The following IL2RA variants were observed in gnomAD, a reference collection of about 807,000 sequenced individuals.
IL2RA encodes the protein interleukin 2 receptor subunit alpha, also known as interleukin-2 receptor subunit alpha.
Under a neutral mutation model 37.8 loss-of-function variants are expected in IL2RA, and 24 were observed. That is an observed-to-expected ratio of 0.63 (90% CI 0.46 to 0.89). The LOEUF (loss-of-function observed/expected upper bound fraction) is 0.89. Ranked by LOEUF, IL2RA falls within the 40% of genes least tolerant of loss-of-function variation. The pLI is 0.00. For synonymous variants in IL2RA, 125 were observed against 114.6 expected (o/e 1.09, Z -0.58); for missense variants, 319 against 348.6 (o/e 0.92, Z 0.68).
chr10:6,021,521 G>A lies in IL2RA; in HGVS notation c.540C>T (p.Pro180=), dbSNP rs1792988133. 6.2e-7 allele frequency: 1 copy of A among 1,613,970 alleles called. No homozygotes were observed. The highest frequency in any genetic ancestry group is 1.3e-5 in the African/African-American group (1 of 74,880). The stretch of plus-strand genomic sequence containing the variant: ...CCATTTCACCTGTGCATATGAGCTG[G>A]GGCTGGGTCCACCTTGTCTTCCCGT... The part of the protein sequence containing the change: ...MTHGKTRWTQ[P]QLICTGEMET... The change falls in exon 4 of 8, where the codon CCC becomes CCT. Residue 180 remains proline (P), a synonymous_variant. Coordinates refer to ENST00000379959, the MANE Select transcript of IL2RA (RefSeq NM_000417.3). This position sits in a 1 kb window ranked among gnomAD's most constrained non-coding sequence, Gnocchi z 4.9.
rs1423551029 is a variant in IL2RA at position 6,036,092 on chromosome 10, G to A, written c.65-10067C>T. 1 of 152,222 alleles carries A rather than the reference G, an allele frequency of 6.6e-6. No homozygotes were observed. Among genetic ancestry groups the A allele is most frequent in the African/African-American group, 2.4e-5 (1 of 41,440 alleles). The allele number at this position is 152,222 out of a possible 1,614,324, so 9.4% of individuals were successfully genotyped here. ...GGGAGAACAGAGGGTGCAGGTGAAG[G>A]GCCCTCGACAATGCTTCTCTTTGCA... is the stretch of plus-strand genomic sequence containing the variant. On this transcript the variant is annotated intron_variant, in intron 1 of 7. Transcript: ENST00000379959. The surrounding 1 kb of genome is among the most constrained non-coding windows in gnomAD (Gnocchi z 6.1).
chr10:6,025,642 A>T lies in IL2RA; in HGVS notation c.256+192T>A, dbSNP rs2096880789. On this transcript the variant is annotated intron_variant, in intron 2 of 7. Coordinates refer to ENST00000379959, the MANE Select transcript of IL2RA (RefSeq NM_000417.3). This position sits in a 1 kb window ranked among gnomAD's most constrained non-coding sequence, Gnocchi z 4.4. ...CATTGCACTCCAGCCTAGGCAACAG[A>T]GTGAGAGTCTGTCTCCAAAAAAAAA... Among the ~76,000 whole-genome samples, 1 of 151,632 alleles carries T rather than the reference A, an allele frequency of 6.6e-6. No individual in the cohort carries two copies. The highest frequency in any genetic ancestry group is 1.5e-5 in the Non-Finnish European group (1 of 67,972).
At chr10:6,053,266 A>G (rs1208033678) in intron 1 of IL2RA, among the ~76,000 whole-genome samples, 1 of 152,154 alleles carries the variant, frequency 6.6e-6, no homozygotes, top group Admixed American at 6.5e-5. Context: ...AACCCATTTA[A>G]TCTCTGTAAG....
intron 1 of IL2RA, among the ~76,000 whole-genome samples, chr10:6,038,522 A>G (rs547999644): frequency 1.3e-5 from 2 of 152,362 alleles, no homozygotes; most frequent in African/African-American, 4.8e-5. Context: ...ATTGAGGTTC[A>G]GAGAGATTAA....
At chr10:6,023,836 G>C (rs979356577) in intron 3 of IL2RA, among the ~76,000 whole-genome samples, 5 of 152,138 alleles carry the variant, frequency 3.3e-5, no homozygotes, top group Admixed American at 3.3e-4. Flanking sequence ...ATTTTTTTGC[G>C]GTGCGTTGTC....
Position 6,056,889 on chromosome 10 carries a change from A to T in IL2RA, c.64+5199T>A, listed in dbSNP as rs564397886. 2.6e-5 allele frequency among the ~76,000 whole-genome samples: 4 copies of T among 152,170 alleles called. No individual in the cohort carries two copies. The highest frequency in any genetic ancestry group is 4.4e-5 in the Non-Finnish European group (3 of 68,042). On this transcript the variant is annotated intron_variant, in intron 1 of 7. Transcript: ENST00000379959. The surrounding 1 kb of genome is among the most constrained non-coding windows in gnomAD (Gnocchi z 5.0). Reference sequence around the variant, plus strand: ...GAGGGGAAAATTCCTACACAAGCAAACAAACAGCAGAGGACCCCGCCCTCC... The same window carrying T: ...GAGGGGAAAATTCCTACACAAGCAATCAAACAGCAGAGGACCCCGCCCTCC...
Position 6,025,838 on chromosome 10 carries a change from G to A in IL2RA, c.252C>T (p.Ser84=), listed in dbSNP as rs1034684102. ...AGTCACAGAAGGGACACTTACCAGA[G>A]CTTGTGCATTGACATTGGTTGTCCC... ...SSWDNQCQCT[S]SATRNTTKQV... The change falls in exon 2 of 8, where the codon AGC becomes AGT. Residue 84 remains serine (S), a synonymous_variant. Transcript: ENST00000379959. This position sits in a 1 kb window ranked among gnomAD's most constrained non-coding sequence, Gnocchi z 4.4. 6 of 1,613,946 alleles carry A rather than the reference G, an allele frequency of 3.7e-6. No individual in the cohort carries two copies. The Admixed American group carries it at 5.0e-5, about 13-fold the overall frequency.
rs2132843872 is a variant in IL2RA, at chr10:6,015,251, G to A, written c.795-2355C>T. On this transcript the variant is annotated intron_variant, in intron 7 of 7. Coordinates refer to ENST00000379959, the MANE Select transcript of IL2RA (RefSeq NM_000417.3). This position sits in a 1 kb window ranked among gnomAD's most constrained non-coding sequence, Gnocchi z 4.9. ...AAGATTATAGGTGCGCACCATGACA[G>A]CCAGCTAATTTTTGTATTTTTAGAA... Among the ~76,000 whole-genome samples, 1 of 151,940 alleles carries A rather than the reference G, an allele frequency of 6.6e-6. No homozygotes were observed. Among genetic ancestry groups the A allele is most frequent in the African/African-American group, 2.4e-5 (1 of 41,452 alleles).
rs1385535412 is a variant in IL2RA at position 6,058,734 on chromosome 10, G to A, written c.64+3354C>T. ...GATTTGATCACAGAATTCCTAGAAT[G>A]AAAGAAAGATGATCAAGGGACATAC... On this transcript the variant is annotated intron_variant, in intron 1 of 7. Transcript: ENST00000379959. This position sits in a 1 kb window ranked among gnomAD's most constrained non-coding sequence, Gnocchi z 4.2. Among the ~76,000 whole-genome samples the A allele has an allele frequency of 1.3e-5, 2 of 152,256 alleles. No homozygotes were observed. The highest frequency in any genetic ancestry group is 2.4e-5 in the African/African-American group (1 of 41,558).
At position 6,035,783 on chromosome 10, in the gene IL2RA, T is replaced by G. The variant is rs1156427355; in HGVS notation, c.65-9758A>C. Among the ~76,000 whole-genome samples, 1 of 152,182 alleles carries G rather than the reference T, an allele frequency of 6.6e-6. No individual in the cohort carries two copies. The highest frequency in any genetic ancestry group is 6.5e-5 in the Admixed American group (1 of 15,286). Reference sequence around the variant, plus strand: ...AACCGAGTTCTTCTAGTGTTGAGCGTGTTTCACATCTTCCGTTGGAGTTTG... The same window carrying G: ...AACCGAGTTCTTCTAGTGTTGAGCGGGTTTCACATCTTCCGTTGGAGTTTG... On this transcript the variant is annotated intron_variant, in intron 1 of 7. Coordinates refer to ENST00000379959, the MANE Select transcript of IL2RA (RefSeq NM_000417.3). The surrounding 1 kb of genome is among the most constrained non-coding windows in gnomAD (Gnocchi z 5.4).
At position 6,012,066 on chromosome 10, in the gene IL2RA, T is replaced by C. The variant is rs1839199445; in HGVS notation, c.*806A>G. 1 of 152,356 alleles carries C rather than the reference T, an allele frequency of 6.6e-6. No individual in the cohort carries two copies. Among genetic ancestry groups the C allele is most frequent in the South Asian group, 2.1e-4 (1 of 4,832 alleles). The allele number at this position is 152,356 out of a possible 1,614,324, so 9.4% of individuals were successfully genotyped here. A position where few individuals can be genotyped will look rare whatever the true frequency, so the allele number is the denominator to read the frequency against. ...AAATTCAGGGTATCATTCATAGCAA[T>C]CCCAAAGAAACTAACTCTTAAAGAG... On this transcript the variant is annotated 3_prime_UTR_variant, in exon 8 of 8. Transcript: ENST00000379959. The surrounding 1 kb of genome is among the most constrained non-coding windows in gnomAD (Gnocchi z 4.8).
chr10:6,032,420 T>C (rs551967867), intron 1 of IL2RA, among the ~76,000 whole-genome samples: 54 of 152,094 alleles, frequency 3.6e-4, no homozygotes, highest in African/African-American at 5.3e-4. Flanking sequence ...AGGCAGGGTG[T>C]GGTGGCTCAC....
intron 1 of IL2RA, among the ~76,000 whole-genome samples, chr10:6,027,631 T>C (rs541403113): frequency 3.3e-4 from 51 of 152,324 alleles, no homozygotes; most frequent in Non-Finnish European, 6.8e-4. Context: ...TTAATGATTA[T>C]AGCAAATAAT....
rs2076846 is a variant in IL2RA, at chr10:6,021,290, A to G, written c.583+188T>C. Among the ~76,000 whole-genome samples, 42,354 of 150,560 alleles carry G rather than the reference A, an allele frequency of 0.28. 6,890 individuals are homozygous for G. Among genetic ancestry groups the G allele is most frequent in the Non-Finnish European group, 0.36 (24,364 of 67,778 alleles). On this transcript the variant is annotated intron_variant, in intron 4 of 7. Coordinates refer to ENST00000379959, the MANE Select transcript of IL2RA (RefSeq NM_000417.3). This position sits in a 1 kb window ranked among gnomAD's most constrained non-coding sequence, Gnocchi z 4.9. Reference sequence around the variant, plus strand: ...GGGGACCTTCATTGAAGGAGCCCTTAGAGTCCATCTGATCTGGTCTATTTA... The same window carrying G: ...GGGGACCTTCATTGAAGGAGCCCTTGGAGTCCATCTGATCTGGTCTATTTA...
chr10:6,033,186 G>C lies in IL2RA; in HGVS notation c.65-7161C>G, dbSNP rs934607537. 6.6e-6 allele frequency among the ~76,000 whole-genome samples: 1 copy of C among 152,070 alleles called. No individual in the cohort carries two copies. The highest frequency in any genetic ancestry group is 2.4e-5 in the African/African-American group (1 of 41,394). ...TAAGTCAGGAGTTTGAGACCAGCCCGGTCAACATGGCGAAACCCTTTCTCT... is the reference window on the plus strand; with the variant it reads ...TAAGTCAGGAGTTTGAGACCAGCCCCGTCAACATGGCGAAACCCTTTCTCT... On this transcript the variant is annotated intron_variant, in intron 1 of 7. Transcript: ENST00000379959. The surrounding 1 kb of genome is among the most constrained non-coding windows in gnomAD (Gnocchi z 4.3).
In IL2RA at chr10:6,044,954, A is replaced by G. The variant is rs1271738511; in HGVS notation, c.64+17134T>C. ...ATTCACCTTCCTTGTTTCATTCAGC[A>G]AGCACAAATGTTGAAGGAAATGTGG... On this transcript the variant is annotated intron_variant, in intron 1 of 7. Coordinates refer to ENST00000379959, the MANE Select transcript of IL2RA (RefSeq NM_000417.3). The surrounding 1 kb of genome is among the most constrained non-coding windows in gnomAD (Gnocchi z 4.5). 1.3e-5 allele frequency among the ~76,000 whole-genome samples: 2 copies of G among 152,212 alleles called. No homozygotes were observed. Among genetic ancestry groups the G allele is most frequent in the African/African-American group, 4.8e-5 (2 of 41,442 alleles).
intron 1 of IL2RA, among the ~76,000 whole-genome samples, chr10:6,038,458 C>T (rs1589303277): frequency 6.6e-6 from 1 of 152,194 alleles, no homozygotes; most frequent in African/African-American, 2.4e-5. Context: ...ACCTTCAATG[C>T]TCACCATGGC....
chr10:6,034,456 C>T (rs1423721986), intron 1 of IL2RA, among the ~76,000 whole-genome samples: 1 of 151,614 alleles, frequency 6.6e-6, no homozygotes, highest in Non-Finnish European at 1.5e-5. Context: ...TTTTTTTAGC[C>T]CTTCTCAGTG....
chr10:6,034,763 A>G (rs1227066572), intron 1 of IL2RA, among the ~76,000 whole-genome samples: 3 of 152,006 alleles, frequency 2.0e-5, no homozygotes, highest in Non-Finnish European at 2.9e-5. Context: ...GCTTCTCCCA[A>G]TGGGTCTTCT....
Sources: allele counts gnomAD v4.1 joint callset (sites outside exome capture counted in the v4.1 genomes callset), GRCh38; gene constraint gnomAD v4.1.1; non-coding constraint Gnocchi (gnomAD v3.1); transcripts MANE v1.5; gene names NCBI Gene and HGNC (gene_info 2026-07-23, HGNC 2026-07-21).